Variants in BCL2 observed in about 807,000 individuals in gnomAD.
The protein encoded by BCL2 is BCL2 apoptosis regulator.
Under a neutral mutation model 14.2 loss-of-function variants are expected in BCL2, and 1 was observed. That is an observed-to-expected ratio of 0.07 (90% CI 0.02 to 0.33). The LOEUF (loss-of-function observed/expected upper bound fraction) is 0.33. Among genes scored for constraint, BCL2 ranks in the 10% least tolerant of loss-of-function variants. The pLI is 0.99. For synonymous variants in BCL2, 151 were observed against 137.2 expected, an observed-to-expected ratio of 1.10 and a Z score of -0.70; for missense variants, 247 against 305.9, an observed-to-expected ratio of 0.81 and a Z score of 1.44.
In BCL2 at chr18:63,140,289, C is replaced by T. The variant is rs1053653739; in HGVS notation, c.586-11530G>A. 2.0e-5 allele frequency among the ~76,000 whole-genome samples: 3 copies of T among 152,228 alleles called. No homozygotes were observed. The East Asian group carries it at 5.8e-4, about 29-fold the overall frequency. The stretch of plus-strand genomic sequence containing the variant: ...GTCACCACATGACCCAGCAATTCAA[C>T]TCCTAGTACACCCAAAGGAATTGAA... On this transcript the variant is annotated intron_variant, in intron 2 of 2. Coordinates refer to ENST00000333681, the MANE Select transcript of BCL2 (RefSeq NM_000633.3).
At position 63,124,053 on chromosome 18, in the gene BCL2, C is replaced by T. The variant is rs980658728; in HGVS notation, c.*4572G>A. On this transcript the variant is annotated 3_prime_UTR_variant, in exon 3 of 3. Transcript: ENST00000333681. ...TTTTTCTGGGGCAGTCCAGATGAAC[C>T]GGTACAGTACCATTCATGCTCCATC... 9.0e-6 allele frequency: 2 copies of T among 221,398 alleles called. No individual in the cohort carries two copies. The highest frequency in any genetic ancestry group is 9.0e-6 in the Non-Finnish European group (1 of 110,688). 13.7% of individuals were successfully genotyped at this position (221,398 alleles called of 1,614,324 possible).
chr18:63,182,749 G>C (rs1436157604), intron 2 of BCL2, among the ~76,000 whole-genome samples: 2 of 152,112 alleles, frequency 1.3e-5, no homozygotes, highest in African/African-American at 2.4e-5. Context: ...ACCACATGTA[G>C]GACAAAAAAA....
At chr18:63,228,553 T>C (rs1404019354) in intron 2 of BCL2, among the ~76,000 whole-genome samples, 1 of 152,330 alleles carries the variant, frequency 6.6e-6, no homozygotes, top group Admixed American at 6.5e-5. Flanking sequence ...ATCTCTCAGA[T>C]CCAAGAGAGT....
intron 2 of BCL2, among the ~76,000 whole-genome samples, chr18:63,293,561 A>G (rs1273388318): frequency 6.6e-6 from 1 of 152,226 alleles, no homozygotes; most frequent in Non-Finnish European, 1.5e-5. Flanking sequence ...GTACATTCCT[A>G]GAAGACGGGA....
chr18:63,253,806 T>C (rs181140604), intron 2 of BCL2, among the ~76,000 whole-genome samples: 3 of 150,160 alleles, frequency 2.0e-5, no homozygotes, highest in Admixed American at 6.6e-5. Context: ...GGAAATAATA[T>C]ACATATTTGT....
chr18:63,186,908 C>T (rs1156507280), intron 2 of BCL2, among the ~76,000 whole-genome samples: 2 of 152,130 alleles, frequency 1.3e-5, no homozygotes, highest in African/African-American at 4.8e-5. Flanking sequence ...ATGTTTTTGT[C>T]CTGACAAATA....
intron 2 of BCL2, among the ~76,000 whole-genome samples, chr18:63,155,799 T>C (rs1199965893): frequency 6.6e-6 from 1 of 152,060 alleles, no homozygotes; most frequent in East Asian, 1.9e-4. Context: ...GAGCTCAGGG[T>C]CACCTTGAAC....
intron 2 of BCL2, among the ~76,000 whole-genome samples, chr18:63,129,883 G>T (rs1914021043): frequency 6.6e-6 from 1 of 152,176 alleles, no homozygotes; most frequent in Non-Finnish European, 1.5e-5. Context: ...GTTTCTCTTG[G>T]GGGTGGCTAG....
At position 63,266,637 on chromosome 18, in the gene BCL2, T is replaced by TCTCTCTCTCTCTCACACA. The variant is rs1491465885; in HGVS notation, c.585+51444_585+51445insTGTGTGAGAGAGAGAGAG. On this transcript the variant is annotated intron_variant, in intron 2 of 2. Transcript: ENST00000333681. ...CTCTCTCTCTCTCTCTCTCTCTCTC[T>TCTCTCTCTCTCTCACACA]CACACACACACACACACACAAAAAT... 1.5e-4 allele frequency among the ~76,000 whole-genome samples: 13 copies of TCTCTCTCTCTCTCACACA among 86,008 alleles called. No individual in the cohort carries two copies. The South Asian group carries it at 3.7e-3, about 24-fold the overall frequency. The allele number at this position is 86,008 out of a possible 152,430, so 56.4% of individuals were successfully genotyped here.
intron 2 of BCL2, among the ~76,000 whole-genome samples, chr18:63,263,252 G>A (rs777138533): frequency 4.6e-5 from 7 of 152,198 alleles, no homozygotes; most frequent in Non-Finnish European, 8.8e-5. Flanking sequence ...CATACCACGG[G>A]AACTCAGGAA....
At chr18:63,305,585 C>T (rs1171281760) in intron 2 of BCL2, among the ~76,000 whole-genome samples, 1 of 151,928 alleles carries the variant, frequency 6.6e-6, no homozygotes, top group Non-Finnish European at 1.5e-5. Context: ...TAAAATCCTA[C>T]GTAAAGGCAA....
At chr18:63,268,830 C>A (rs533334767) in intron 2 of BCL2, among the ~76,000 whole-genome samples, 1 of 152,226 alleles carries the variant, frequency 6.6e-6, no homozygotes, top group Non-Finnish European at 1.5e-5. Context: ...GCCAGACAAG[C>A]TTTCTTTTTA....
intron 2 of BCL2, among the ~76,000 whole-genome samples, chr18:63,212,558 A>G (rs1568235538): frequency 6.6e-6 from 1 of 151,100 alleles, no homozygotes; most frequent in African/African-American, 2.4e-5. Flanking sequence ...AGCTTAGGTC[A>G]GGATTCCAAG....
intron 2 of BCL2, among the ~76,000 whole-genome samples, chr18:63,222,119 C>T (rs1910407696): frequency 6.6e-6 from 1 of 151,602 alleles, no homozygotes; most frequent in Non-Finnish European, 1.5e-5. Context: ...CATTTCAATA[C>T]AAAAATTAGC....
intron 2 of BCL2, chr18:63,302,493 C>T: frequency 1.0e-6 from 1 of 985,358 alleles, no homozygotes; most frequent in Non-Finnish European, 1.2e-6. Flanking sequence ...TTATGAAATA[C>T]CACGAAGCTC....
At chr18:63,208,049 C>T (rs940251018) in intron 2 of BCL2, 4 of 152,320 alleles carry the variant, frequency 2.6e-5, no homozygotes, top group African/African-American at 9.6e-5. Flanking sequence ...TACCACCTGG[C>T]GATTACTTCC....
chr18:63,162,765 C>G (rs181691719), intron 2 of BCL2, among the ~76,000 whole-genome samples: 3 of 152,296 alleles, frequency 2.0e-5, no homozygotes, highest in Admixed American at 6.5e-5. Context: ...GCCTTCATTT[C>G]CATGCCTTCA....
chr18:63,311,808 AG>A (rs1240298314), intron 2 of BCL2, among the ~76,000 whole-genome samples: 1 of 152,210 alleles, frequency 6.6e-6, no homozygotes, highest in Non-Finnish European at 1.5e-5. Context: ...AGTCACTCTC[AG>A]TATATTGCTA....
At chr18:63,260,693 A>G (rs554105787) in intron 2 of BCL2, among the ~76,000 whole-genome samples, 2 of 139,756 alleles carry the variant, frequency 1.4e-5, no homozygotes, top group East Asian at 4.1e-4. Flanking sequence ...TAGCCAATTG[A>G]TTTTAAAAAT....
Sources: gnomAD v4.1 joint callset for allele counts (sites outside exome capture counted in the v4.1 genomes callset) on GRCh38, gnomAD v4.1.1 for gene constraint, MANE v1.5 for transcripts, NCBI Gene and HGNC (gene_info 2026-07-23, HGNC 2026-07-21) for gene names.